The following KIRREL3 variants were observed in gnomAD, a reference collection of about 807,000 sequenced individuals.
KIRREL3 encodes the protein kin of IRRE-like protein 3.
Under a neutral mutation model 89.7 loss-of-function variants are expected in KIRREL3, and 36 were observed. That is an observed-to-expected ratio of 0.40 (90% CI 0.31 to 0.53). The LOEUF is 0.53. Among genes scored for constraint, KIRREL3 ranks in the 20% least tolerant of loss-of-function variants. The pLI, the probability that KIRREL3 is intolerant of heterozygous loss-of-function variation, is 0.49. For missense variants in KIRREL3, 864 were observed against 1,056.6 expected, an observed-to-expected ratio of 0.82 and a Z score of 2.53; for synonymous variants, 445 against 441.4, an observed-to-expected ratio of 1.01 and a Z score of -0.10.
rs1229556291 is a variant in KIRREL3 at position 126,608,851 on chromosome 11, C to A, written c.56-45939G>T. On this transcript the variant is annotated intron_variant, in intron 1 of 16. Transcript: ENST00000525144. This position sits in a 1 kb window ranked among gnomAD's most constrained non-coding sequence, Gnocchi z 4.9. The stretch of plus-strand genomic sequence containing the variant: ...GGAGTGGAGATGGGCAATGGGGATG[C>A]CTGATGAGACCTATGTCCAGGACAG... Among the ~76,000 whole-genome samples the A allele has an allele frequency of 2.6e-5, 4 of 152,132 alleles. No homozygotes were observed. The highest frequency in any genetic ancestry group is 4.4e-5 in the Non-Finnish European group (3 of 68,020).
Position 126,606,927 on chromosome 11 carries a change from CG to C in KIRREL3, c.56-44016del, listed in dbSNP as rs1478666377. ...GAGAAGCTCAGATGATGGGAAGGGG[CG>C]GGGGTGGCCAGGCAGTGCTTTCTAG... On this transcript the variant is annotated intron_variant, in intron 1 of 16. Coordinates refer to ENST00000525144, the MANE Select transcript of KIRREL3 (RefSeq NM_032531.4). This position sits in a 1 kb window ranked among gnomAD's most constrained non-coding sequence, Gnocchi z 4.6. Among the ~76,000 whole-genome samples the C allele has an allele frequency of 1.3e-5, 2 of 148,864 alleles. No individual in the cohort carries two copies. Among genetic ancestry groups the C allele is most frequent in the Non-Finnish European group, 3.0e-5 (2 of 67,434 alleles).
Position 126,752,107 on chromosome 11 carries a change from T to G in KIRREL3, c.56-189195A>C, listed in dbSNP as rs75315631. On this transcript the variant is annotated intron_variant, in intron 1 of 16. Transcript: ENST00000525144. This position sits in a 1 kb window ranked among gnomAD's most constrained non-coding sequence, Gnocchi z 4.8. The stretch of plus-strand genomic sequence containing the variant: ...TTCATCTCCTTGTGTGTCAGCTTTT[T>G]CTTTGCAAAATAGGAACAATGATGA... Among the ~76,000 whole-genome samples the G allele has an allele frequency of 1.1e-4, 17 of 152,324 alleles. No homozygotes were observed. In the East Asian group the frequency reaches 2.9e-3, roughly 26 times the overall value.
At chr11:126,836,794 A>G (rs570338309) in intron 1 of KIRREL3, among the ~76,000 whole-genome samples, 1 of 152,316 alleles carries the variant, frequency 6.6e-6, no homozygotes, top group Admixed American at 6.5e-5. Flanking sequence ...ATAGGGCTGC[A>G]TCCTCCAGGA....
At position 126,563,726 on chromosome 11, in the gene KIRREL3, C is replaced by T. The variant is rs192920560; in HGVS notation, c.56-814G>A. On this transcript the variant is annotated intron_variant, in intron 1 of 16. Transcript: ENST00000525144. The surrounding 1 kb of genome is among the most constrained non-coding windows in gnomAD (Gnocchi z 6.8). ...GCACAGTATTTTGTAAATCAGTGTC[C>T]ATTGTGTGTGTGAGCATTAAATTGG... is the stretch of plus-strand genomic sequence containing the variant. Among the ~76,000 whole-genome samples the T allele has an allele frequency of 2.7e-3, 414 of 152,244 alleles. 5 individuals are homozygous for T. The highest frequency in any genetic ancestry group is 9.4e-3 in the African/African-American group (389 of 41,552).
At chr11:126,856,655 G>A (rs1054508255) in intron 1 of KIRREL3, among the ~76,000 whole-genome samples, 7 of 146,836 alleles carry the variant, frequency 4.8e-5, no homozygotes, top group African/African-American at 1.8e-4. Context: ...TCGCTCTGTC[G>A]CCCAGACTGG....
In KIRREL3 at chr11:126,924,149, C is replaced by A. The variant is rs1947593338; in HGVS notation, c.55+76306G>T. Among the ~76,000 whole-genome samples the A allele has an allele frequency of 6.6e-6, 1 of 152,178 alleles. No homozygotes were observed. The highest frequency in any genetic ancestry group is 1.5e-5 in the Non-Finnish European group (1 of 68,030). ...AAGCAGTGGTCTTATGGCTGGTAGC[C>A]CAGGCAGCTCTTGATCCTGTCCCCT... is the stretch of plus-strand genomic sequence containing the variant. On this transcript the variant is annotated intron_variant, in intron 1 of 16. Coordinates refer to ENST00000525144, the MANE Select transcript of KIRREL3 (RefSeq NM_032531.4). This position sits in a 1 kb window ranked among gnomAD's most constrained non-coding sequence, Gnocchi z 4.7.
At chr11:126,499,251 C>A (rs1421844438) in intron 4 of KIRREL3, among the ~76,000 whole-genome samples, 5 of 152,036 alleles carry the variant, frequency 3.3e-5, no homozygotes, top group African/African-American at 1.2e-4. Context: ...ACCTAGGAGT[C>A]CCCTGGCTAA....
chr11:126,860,756 T>C lies in KIRREL3; in HGVS notation c.55+139699A>G, dbSNP rs1176145521. Reference sequence around the variant, plus strand: ...GCCAGTGAGGAGGCTCCTGCCCTGGTCCAAAGGAGAGAGGCTGAGACTCTT... The same window carrying C: ...GCCAGTGAGGAGGCTCCTGCCCTGGCCCAAAGGAGAGAGGCTGAGACTCTT... On this transcript the variant is annotated intron_variant, in intron 1 of 16. Transcript: ENST00000525144. This position sits in a 1 kb window ranked among gnomAD's most constrained non-coding sequence, Gnocchi z 4.6. 6.6e-6 allele frequency among the ~76,000 whole-genome samples: 1 copy of C among 152,182 alleles called. No homozygotes were observed. The highest frequency in any genetic ancestry group is 2.1e-4 in the South Asian group (1 of 4,824).
Position 126,568,351 on chromosome 11 carries a change from G to C in KIRREL3, c.56-5439C>G, listed in dbSNP as rs1409719695. Among the ~76,000 whole-genome samples, 4 of 152,240 alleles carry C rather than the reference G, an allele frequency of 2.6e-5. No homozygotes were observed. Among genetic ancestry groups the C allele is most frequent in the Non-Finnish European group, 5.9e-5 (4 of 68,042 alleles). On this transcript the variant is annotated intron_variant, in intron 1 of 16. Coordinates refer to ENST00000525144, the MANE Select transcript of KIRREL3 (RefSeq NM_032531.4). This position sits in a 1 kb window ranked among gnomAD's most constrained non-coding sequence, Gnocchi z 4.6. The stretch of plus-strand genomic sequence containing the variant: ...CTGGGAGACCGCTGCCATACTCCAG[G>C]TGGGAGATGGTGGGCTTGCATCTGC...
rs1250262644 is a variant in KIRREL3 at position 126,476,661 on chromosome 11, G to A, written c.434-3195C>T. ...TCACTGCACACCAGATGGGGGTGGG[G>A]GCTGGGGGGGGGTGGGGGTTGGTGA... On this transcript the variant is annotated intron_variant, in intron 4 of 16. Coordinates refer to ENST00000525144, the MANE Select transcript of KIRREL3 (RefSeq NM_032531.4). The surrounding 1 kb of genome is among the most constrained non-coding windows in gnomAD (Gnocchi z 6.4). Among the ~76,000 whole-genome samples the A allele has an allele frequency of 8.5e-5, 12 of 141,596 alleles. No individual in the cohort carries two copies. The highest frequency in any genetic ancestry group is 7.3e-3 in the Middle Eastern group (2 of 274). The allele number at this position is 141,596 out of a possible 152,430, so 92.9% of individuals were successfully genotyped here. A position where few individuals can be genotyped will look rare whatever the true frequency, so the allele number is the denominator to read the frequency against.
rs966714820 is a variant in KIRREL3 at position 126,537,419 on chromosome 11, G to C, written c.134-10732C>G. On this transcript the variant is annotated intron_variant, in intron 2 of 16. Transcript: ENST00000525144. This position sits in a 1 kb window ranked among gnomAD's most constrained non-coding sequence, Gnocchi z 4.3. ...GAATCTTGCTTCAAGCAAGGGAGTTGTGGGGAGGAAGCAGAGAAGGCATCC... is the reference window on the plus strand; with the variant it reads ...GAATCTTGCTTCAAGCAAGGGAGTTCTGGGGAGGAAGCAGAGAAGGCATCC... Among the ~76,000 whole-genome samples the C allele has an allele frequency of 6.6e-6, 1 of 152,226 alleles. No individual in the cohort carries two copies. The highest frequency in any genetic ancestry group is 2.4e-5 in the African/African-American group (1 of 41,464).
chr11:126,698,492 G>C (rs7949796), intron 1 of KIRREL3, among the ~76,000 whole-genome samples: 83,458 of 152,134 alleles, frequency 0.55, 23,494 homozygotes, highest in East Asian at 0.84. Context: ...CTGGAGAGAC[G>C]ACAGGTCAGG....
In KIRREL3 at chr11:126,689,971, T is replaced by C. The variant is rs898955597; in HGVS notation, c.56-127059A>G. 6.6e-6 allele frequency among the ~76,000 whole-genome samples: 1 copy of C among 152,156 alleles called. No individual in the cohort carries two copies. The highest frequency in any genetic ancestry group is 1.5e-5 in the Non-Finnish European group (1 of 68,014). ...TGATGCTTCTTTTAGACCCTATTTG[T>C]CTCCCGGCCTCACACTGCCTTCCTC... On this transcript the variant is annotated intron_variant, in intron 1 of 16. Transcript: ENST00000525144. The surrounding 1 kb of genome is among the most constrained non-coding windows in gnomAD (Gnocchi z 5.2).
At position 126,606,860 on chromosome 11, in the gene KIRREL3, A is replaced by T. The variant is rs1942911506; in HGVS notation, c.56-43948T>A. On this transcript the variant is annotated intron_variant, in intron 1 of 16. Transcript: ENST00000525144. The surrounding 1 kb of genome is among the most constrained non-coding windows in gnomAD (Gnocchi z 4.6). ...AAGCTTAGACTGATTAAAGATGGGA[A>T]GGGATTTGGGGGGTCAAGGGAGGAC... Among the ~76,000 whole-genome samples, 1 of 148,512 alleles carries T rather than the reference A, an allele frequency of 6.7e-6. No homozygotes were observed. Among genetic ancestry groups the T allele is most frequent in the Non-Finnish European group, 1.5e-5 (1 of 67,056 alleles).
Position 126,931,883 on chromosome 11 carries a change from A to G in KIRREL3, c.55+68572T>C, listed in dbSNP as rs1408975102. 6.6e-6 allele frequency among the ~76,000 whole-genome samples: 1 copy of G among 152,212 alleles called. No individual in the cohort carries two copies. The highest frequency in any genetic ancestry group is 1.5e-5 in the Non-Finnish European group (1 of 68,032). On this transcript the variant is annotated intron_variant, in intron 1 of 16. Transcript: ENST00000525144. This position sits in a 1 kb window ranked among gnomAD's most constrained non-coding sequence, Gnocchi z 5.1. Reference sequence around the variant, plus strand: ...TTCTCACCCCAATAGGAGTAGATGGACGAGGCATACTCGTACCAAGGAGGG... The same window carrying G: ...TTCTCACCCCAATAGGAGTAGATGGGCGAGGCATACTCGTACCAAGGAGGG...
At chr11:126,469,243 C>A (rs1448938294) in intron 5 of KIRREL3, among the ~76,000 whole-genome samples, 1 of 152,248 alleles carries the variant, frequency 6.6e-6, no homozygotes, top group Non-Finnish European at 1.5e-5. Flanking sequence ...CATGTGACAG[C>A]CACTGAGGGC....
At chr11:126,731,313 C>A (rs980161109) in intron 1 of KIRREL3, among the ~76,000 whole-genome samples, 1 of 152,150 alleles carries the variant, frequency 6.6e-6, no homozygotes, top group African/African-American at 2.4e-5. Context: ...TACCTCTGGG[C>A]CACTGCCTAG....
intron 1 of KIRREL3, among the ~76,000 whole-genome samples, chr11:126,798,427 G>A (rs2134381987): frequency 6.6e-6 from 1 of 152,314 alleles, no homozygotes; most frequent in South Asian, 2.1e-4. Flanking sequence ...CCCCAGAAAA[G>A]CAGAGGTAAC....
intron 1 of KIRREL3, among the ~76,000 whole-genome samples, chr11:126,998,916 A>AAT (rs1311837025): frequency 1.4e-5 from 2 of 141,256 alleles, no homozygotes; most frequent in Admixed American, 1.4e-4. Context: ...GACGAATGGG[A>AAT]GTGTGTGTGT....
Sources: gnomAD v4.1 joint callset for allele counts (sites outside exome capture counted in the v4.1 genomes callset) on GRCh38, gnomAD v4.1.1 for gene constraint, Gnocchi (gnomAD v3.1) non-coding constraint, MANE v1.5 for transcripts, NCBI Gene and HGNC (gene_info 2026-07-23, HGNC 2026-07-21) for gene names.